The following SDK1 variants were observed in gnomAD, a reference collection of about 807,000 sequenced individuals.
SDK1 encodes the protein protein sidekick-1.
In SDK1, 157 loss-of-function variants were observed where a neutral mutation model predicts 245.5. The observed-to-expected ratio is 0.64, with a 90% CI of 0.56 to 0.73. SDK1 has a LOEUF of 0.73. SDK1 is among the 30% of genes least tolerant of loss of function. The pLI, the probability that SDK1 is intolerant of heterozygous loss-of-function variation, is 0.00. For synonymous variants in SDK1, 1,647 were observed against 1,278.5 expected, an observed-to-expected ratio of 1.29 and a Z score of -6.15; for missense variants, 3,583 against 3,002.3, an observed-to-expected ratio of 1.19 and a Z score of -4.52.
chr7:3,588,534 C>T (rs1194553301), intron 1 of SDK1, among the ~76,000 whole-genome samples: 2 of 152,100 alleles, frequency 1.3e-5, no homozygotes, highest in African/African-American at 2.4e-5. Flanking sequence ...TGGACAGGTG[C>T]CAGGTCCTGC....
intron 4 of SDK1, among the ~76,000 whole-genome samples, chr7:3,702,007 T>C (rs549985057): frequency 1.3e-5 from 2 of 151,186 alleles, no homozygotes; most frequent in Non-Finnish European, 2.9e-5. Flanking sequence ...TTACTTAAAG[T>C]GTGTTGGATT....
intron 4 of SDK1, among the ~76,000 whole-genome samples, chr7:3,666,073 C>T (rs1052977559): frequency 6.6e-6 from 1 of 152,204 alleles, no homozygotes; most frequent in African/African-American, 2.4e-5. Context: ...GAAATCTCAG[C>T]TGATCTCCAA....
intron 4 of SDK1, among the ~76,000 whole-genome samples, chr7:3,762,481 T>C (rs1780137245): frequency 6.6e-6 from 1 of 152,206 alleles, no homozygotes; most frequent in Non-Finnish European, 1.5e-5. Context: ...CATGGTATTT[T>C]TGTGGTATTT....
At chr7:3,331,233 C>T (rs1780061274) in intron 1 of SDK1, among the ~76,000 whole-genome samples, 1 of 152,212 alleles carries the variant, frequency 6.6e-6, no homozygotes, top group South Asian at 2.1e-4. Context: ...CACTGCACTC[C>T]AGTCTGGCAA....
At chr7:3,317,165 AGT>A (rs1779683581) in intron 1 of SDK1, among the ~76,000 whole-genome samples, 1 of 123,170 alleles carries the variant, frequency 8.1e-6, no homozygotes, top group South Asian at 3.1e-4. Flanking sequence ...TGGGCAACAG[AGT>A]GAGACTCTGT....
intron 21 of SDK1, among the ~76,000 whole-genome samples, chr7:4,078,841 C>T (rs1780870372): frequency 6.6e-6 from 1 of 152,106 alleles, no homozygotes. Context: ...TATCCAGTTG[C>T]CTGAGCAACT....
chr7:3,648,730 A>G (rs1424570999), intron 4 of SDK1, among the ~76,000 whole-genome samples: 4 of 152,170 alleles, frequency 2.6e-5, no homozygotes, highest in East Asian at 1.9e-4. Flanking sequence ...TTAAAATTTT[A>G]TATTTTATAG....
At chr7:3,947,021 A>G (rs528568477) in intron 5 of SDK1, among the ~76,000 whole-genome samples, 17 of 152,306 alleles carry the variant, frequency 1.1e-4, no homozygotes, top group African/African-American at 3.9e-4. Context: ...GACGTTACCT[A>G]TTGACCTTCT....
chr7:3,636,199 C>T (rs1052431633), intron 2 of SDK1, among the ~76,000 whole-genome samples: 3 of 152,178 alleles, frequency 2.0e-5, no homozygotes, highest in African/African-American at 4.8e-5. Flanking sequence ...CTCCTGCCCT[C>T]TTCATTATTA....
At chr7:3,512,329 A>G (rs774418027) in intron 1 of SDK1, among the ~76,000 whole-genome samples, 4 of 152,194 alleles carry the variant, frequency 2.6e-5, no homozygotes, top group Non-Finnish European at 5.9e-5. Context: ...GTAATATTCC[A>G]TTGTGTGGCT....
chr7:4,163,550 A>C (rs1781305164), intron 32 of SDK1, among the ~76,000 whole-genome samples: 5 of 152,190 alleles, frequency 3.3e-5, no homozygotes, highest in Admixed American at 3.3e-4. Flanking sequence ...AGCATCTCCC[A>C]GGGCCCTGCA....
intron 17 of SDK1, among the ~76,000 whole-genome samples, chr7:4,038,844 G>A (rs1256440354): frequency 2.6e-5 from 4 of 152,112 alleles, no homozygotes; most frequent in Non-Finnish European, 5.9e-5. Context: ...AATGCTTTAG[G>A]GAAAGGTGCT....
At chr7:3,485,683 G>GTTTTTTTGTTTTTTTTTTTTTTTTTTT (rs1781666239) in intron 1 of SDK1, among the ~76,000 whole-genome samples, 1 of 38,178 alleles carries the variant, frequency 2.6e-5, no homozygotes, top group Non-Finnish European at 4.5e-5. Context: ...TCTTTGGAGG[G>GTTTTTTTGTTTTTTTTTTTTTTTTTTT]TTTTTTTTTT....
Position 3,737,736 on chromosome 7 carries a change from C to G in SDK1, c.714-83714C>G, listed in dbSNP as rs149725910. Reference sequence around the variant, plus strand: ...TTATTTTCCCAGTGTTCCTGTGAGACAAGACAGAAGGAGGCATCCTGGGAA... The same window carrying G: ...TTATTTTCCCAGTGTTCCTGTGAGAGAAGACAGAAGGAGGCATCCTGGGAA... On this transcript the variant is annotated intron_variant, in intron 4 of 44. Transcript: ENST00000404826. 7.1e-3 allele frequency among the ~76,000 whole-genome samples: 1,084 copies of G among 152,310 alleles called. 15 individuals are homozygous for G. The highest frequency in any genetic ancestry group is 0.025 in the African/African-American group (1,019 of 41,554).
chr7:3,406,878 G>A (rs1257330877), intron 1 of SDK1, among the ~76,000 whole-genome samples: 1 of 152,080 alleles, frequency 6.6e-6, no homozygotes, highest in African/African-American at 2.4e-5. Context: ...AGATAAATGT[G>A]AACAGTACAT....
intron 5 of SDK1, among the ~76,000 whole-genome samples, chr7:3,835,425 A>G (rs758836346): frequency 3.3e-5 from 5 of 152,142 alleles, no homozygotes; most frequent in Non-Finnish European, 5.9e-5. Flanking sequence ...ACCTAATATC[A>G]GGGACAGTGT....
At chr7:3,337,567 C>A (rs571437883) in intron 1 of SDK1, among the ~76,000 whole-genome samples, 1 of 152,214 alleles carries the variant, frequency 6.6e-6, no homozygotes, top group South Asian at 2.1e-4. Context: ...ACAGGATCAA[C>A]CCAAAGGAAT....
At chr7:3,705,242 G>A (rs1316270573) in intron 4 of SDK1, among the ~76,000 whole-genome samples, 2 of 151,720 alleles carry the variant, frequency 1.3e-5, no homozygotes, top group African/African-American at 4.8e-5. Flanking sequence ...TAGGTATTTT[G>A]ATAGGAATTG....
In SDK1 at chr7:4,127,247, T is replaced by C. The variant is rs538691644; in HGVS notation, c.3824-134T>C. On this transcript the variant is annotated intron_variant, in intron 25 of 44. Transcript: ENST00000404826. Reference sequence around the variant, plus strand: ...CATGTCCGTTATACTCCTGTAGGTTTAATCTGATCACTACAAAATGCTTAG... The same window carrying C: ...CATGTCCGTTATACTCCTGTAGGTTCAATCTGATCACTACAAAATGCTTAG... 373 of 700,388 alleles carry C rather than the reference T, an allele frequency of 5.3e-4. 4 individuals are homozygous for C. The South Asian group carries it at 5.9e-3, about 11-fold the overall frequency. 43.4% of individuals were successfully genotyped at this position (700,388 alleles called of 1,614,324 possible).
Sources: allele counts gnomAD v4.1 joint callset (sites outside exome capture counted in the v4.1 genomes callset), GRCh38; gene constraint gnomAD v4.1.1; transcripts MANE v1.5; gene names NCBI Gene and HGNC (gene_info 2026-07-23, HGNC 2026-07-21).